Variants in DENND1A observed in about 807,000 individuals in gnomAD.
DENND1A encodes DENN domain containing 1A.
A neutral mutation model predicts 113.7 loss-of-function variants in DENND1A; 51 were observed. The ratio of observed to expected loss-of-function variants is 0.45; its 90% CI spans 0.36 to 0.57. DENND1A has a LOEUF of 0.57. Among genes scored for constraint, DENND1A ranks in the 20% least tolerant of loss-of-function variants. The pLI is 0.00. For missense variants in DENND1A, 1,258 were observed against 1,395.9 expected, an observed-to-expected ratio of 0.90 and a Z score of 1.57; for synonymous variants, 565 against 570.8, an observed-to-expected ratio of 0.99 and a Z score of 0.14.
chr9:123,562,866 T>G (rs2057838100), intron 12 of DENND1A, among the ~76,000 whole-genome samples: 1 of 152,148 alleles, frequency 6.6e-6, no homozygotes, highest in South Asian at 2.1e-4. Flanking sequence ...TTCTACCTCC[T>G]TTCCTGATGG....
chr9:123,804,912 A>C (rs1181809359), intron 2 of DENND1A, among the ~76,000 whole-genome samples: 1 of 151,970 alleles, frequency 6.6e-6, no homozygotes, highest in African/African-American at 2.4e-5. Flanking sequence ...AATCCTGTAA[A>C]ACTCAATACA....
chr9:123,393,861 A>G (rs2042977437), intron 21 of DENND1A, among the ~76,000 whole-genome samples: 1 of 151,812 alleles, frequency 6.6e-6, no homozygotes, highest in South Asian at 2.1e-4. Context: ...GAGGTGGGAG[A>G]GATGGGTGAG....
intron 13 of DENND1A, among the ~76,000 whole-genome samples, chr9:123,466,032 G>A (rs1479700941): frequency 2.0e-5 from 3 of 151,952 alleles, no homozygotes; most frequent in East Asian, 3.9e-4. Flanking sequence ...ATGGAGTCTC[G>A]CTCTGTCACC....
At chr9:123,863,821 T>C (rs969098495) in intron 2 of DENND1A, among the ~76,000 whole-genome samples, 1 of 152,218 alleles carries the variant, frequency 6.6e-6, no homozygotes, top group Non-Finnish European at 1.5e-5. Context: ...TTAAACATGC[T>C]ATGTCCTCTA....
chr9:123,548,055 C>G (rs1289195251), intron 13 of DENND1A, among the ~76,000 whole-genome samples: 1 of 152,178 alleles, frequency 6.6e-6, no homozygotes, highest in African/African-American at 2.4e-5. Context: ...GAGTCATCTT[C>G]TAGTAGATGA....
Position 123,667,076 on chromosome 9 carries a change from A to T in DENND1A, c.457T>A (p.Ser153Thr), listed in dbSNP as rs1326210494. ...CTGGTATCAGGCACAGTAAAATAAG[A>T]ATGCTAGAAAAGAAAAGCAAAAGTG... ...PGVSVHLSVH[S>T]YFTVPDTREL... The change falls in exon 8 of 24, where the codon TCT becomes ACT. Residue 153 changes from serine (S) to threonine (T), a missense_variant. Coordinates refer to ENST00000394215, the MANE Select transcript of DENND1A (RefSeq NM_001352964.2). 14 of 1,600,520 alleles carry T rather than the reference A, an allele frequency of 8.7e-6. No individual in the cohort carries two copies. The highest frequency in any genetic ancestry group is 2.3e-5 in the East Asian group (1 of 43,722).
intron 9 of DENND1A, among the ~76,000 whole-genome samples, chr9:123,635,568 T>C (rs996472090): frequency 3.9e-5 from 6 of 152,236 alleles, no homozygotes; most frequent in African/African-American, 9.6e-5. Context: ...GACACAGATA[T>C]GCATTTGCCT....
rs545592155 is a variant in DENND1A at position 123,687,469 on chromosome 9, G to A, written c.303-10680C>T. Among the ~76,000 whole-genome samples the A allele has an allele frequency of 2.6e-5, 4 of 152,270 alleles. No homozygotes were observed. In the South Asian group the frequency reaches 8.3e-4, roughly 32 times the overall value. On this transcript the variant is annotated intron_variant, in intron 5 of 23. Transcript: ENST00000394215. ...AATAAAGGAAGGGAAGCATTCTGGG[G>A]TGAGATTGCCCAGAGCACCACATCC...
chr9:123,890,282 G>A (rs1333321736), intron 1 of DENND1A, among the ~76,000 whole-genome samples: 3 of 152,140 alleles, frequency 2.0e-5, no homozygotes, highest in African/African-American at 7.2e-5. Context: ...AGAGTGGCTG[G>A]GGGAATGGTG....
intron 2 of DENND1A, among the ~76,000 whole-genome samples, chr9:123,847,254 C>T (rs1182668346): frequency 6.6e-6 from 1 of 150,850 alleles, no homozygotes; most frequent in Admixed American, 6.6e-5. Flanking sequence ...ATTGAAAACA[C>T]ACAAAAAAAA....
At chr9:123,689,244 C>T (rs747020477) in intron 5 of DENND1A, among the ~76,000 whole-genome samples, 8 of 152,102 alleles carry the variant, frequency 5.3e-5, no homozygotes, top group East Asian at 1.9e-4. Context: ...AGGCTGGTCT[C>T]GAACTTTTGA....
At chr9:123,738,303 G>T (rs2068721058) in intron 5 of DENND1A, among the ~76,000 whole-genome samples, 1 of 152,074 alleles carries the variant, frequency 6.6e-6, no homozygotes, top group African/African-American at 2.4e-5. Context: ...TCACAAGGCT[G>T]CACACTGCTG....
intron 19 of DENND1A, among the ~76,000 whole-genome samples, chr9:123,417,791 G>A (rs1006182609): frequency 2.6e-5 from 4 of 152,102 alleles, no homozygotes; most frequent in African/African-American, 7.2e-5. Flanking sequence ...CAAACAGTGC[G>A]TGGCATCCCA....
At chr9:123,921,455 A>G (rs1856239305) in intron 1 of DENND1A, among the ~76,000 whole-genome samples, 1 of 152,214 alleles carries the variant, frequency 6.6e-6, no homozygotes, top group Admixed American at 6.5e-5. Flanking sequence ...GCGTGGAGTC[A>G]AACAGTATCT....
intron 2 of DENND1A, among the ~76,000 whole-genome samples, chr9:123,813,516 A>T (rs994797688): frequency 1.8e-5 from 2 of 110,664 alleles, no homozygotes; most frequent in African/African-American, 1.1e-4. Context: ...CTTCTCATCT[A>T]AAAAAAAAAA....
At chr9:123,483,260 C>T (rs960178182) in intron 13 of DENND1A, among the ~76,000 whole-genome samples, 1 of 152,182 alleles carries the variant, frequency 6.6e-6, no homozygotes, top group Non-Finnish European at 1.5e-5. Flanking sequence ...CCAGCAGAGG[C>T]CCCATGCAGG....
At chr9:123,751,174 T>C (rs2069993050) in intron 5 of DENND1A, 1 of 152,242 alleles carries the variant, frequency 6.6e-6, no homozygotes, top group Non-Finnish European at 1.5e-5. Flanking sequence ...GACTCCTTTA[T>C]TACTTCTAGC....
intron 5 of DENND1A, among the ~76,000 whole-genome samples, chr9:123,733,785 C>A (rs2068359924): frequency 2.0e-5 from 3 of 151,842 alleles, no homozygotes; most frequent in Admixed American, 2.0e-4. Flanking sequence ...CCTGCCTCAG[C>A]CTCCCAAGCA....
intron 13 of DENND1A, among the ~76,000 whole-genome samples, chr9:123,490,006 A>C (rs1366194625): frequency 6.6e-6 from 1 of 152,188 alleles, no homozygotes; most frequent in Non-Finnish European, 1.5e-5. Context: ...TTCTCAGGAG[A>C]CTGGAACAAT....
Sources: allele counts gnomAD v4.1 joint callset (sites outside exome capture counted in the v4.1 genomes callset), GRCh38; gene constraint gnomAD v4.1.1; transcripts MANE v1.5; gene names NCBI Gene and HGNC (gene_info 2026-07-23, HGNC 2026-07-21).